The following RAB20 variants were observed in gnomAD, a reference collection of about 807,000 sequenced individuals.
RAB20 encodes RAB20, member RAS oncogene family.
In RAB20, 2 loss-of-function variants were observed where a neutral mutation model predicts 3.7. That is an observed-to-expected ratio of 0.54 (90% CI 0.22 to 1.69). The LOEUF is 1.69. Ranked by LOEUF, RAB20 falls within the 40% of genes most tolerant of loss-of-function variation. The pLI, the probability that RAB20 is intolerant of heterozygous loss-of-function variation, is 0.19. For missense variants in RAB20, 276 were observed against 311.9 expected (o/e 0.88, Z 0.87); for synonymous variants, 126 against 130.8 (o/e 0.96, Z 0.25).
In RAB20 at chr13:110,530,541, A is replaced by G. The variant is rs111288530; in HGVS notation, c.173-6344T>C. Among the ~76,000 whole-genome samples the G allele has an allele frequency of 8.8e-3, 54 of 6,124 alleles. 7 individuals are homozygous for G. The highest frequency in any genetic ancestry group is 0.33 in the Middle Eastern group (2 of 6). 4.0% of individuals were successfully genotyped at this position (6,124 alleles called of 152,430 possible). On this transcript the variant is annotated intron_variant, in intron 1 of 1. Transcript: ENST00000267328. ...CTACACAGACACAGGACCCTGGGGAAGTAGGTCCCACCCGCCCCACCTCTA... is the reference window on the plus strand; with the variant it reads ...CTACACAGACACAGGACCCTGGGGAGGTAGGTCCCACCCGCCCCACCTCTA...
At chr13:110,531,201 G>C (rs1379038059) in intron 1 of RAB20, among the ~76,000 whole-genome samples, 1 of 152,150 alleles carries the variant, frequency 6.6e-6, no homozygotes, top group Non-Finnish European at 1.5e-5. Context: ...TGAGAAGCAC[G>C]CTGGCAACAG....
At chr13:110,527,819 C>G (rs1043410751) in intron 1 of RAB20, among the ~76,000 whole-genome samples, 4 of 151,830 alleles carry the variant, frequency 2.6e-5, no homozygotes, top group African/African-American at 9.7e-5. Flanking sequence ...TCAAAAAGAA[C>G]AGGCTAGGGC....
At chr13:110,532,435 G>A (rs955436594) in intron 1 of RAB20, among the ~76,000 whole-genome samples, 1 of 152,068 alleles carries the variant, frequency 6.6e-6, no homozygotes, top group Non-Finnish European at 1.5e-5. Context: ...GGAGTGCAGT[G>A]ATGCAATCTC....
intron 1 of RAB20, among the ~76,000 whole-genome samples, chr13:110,525,706 G>A (rs529346484): frequency 2.2e-4 from 33 of 152,328 alleles, no homozygotes; most frequent in African/African-American, 7.2e-4. Flanking sequence ...AGGGAGGGCC[G>A]AGCCGAGCAC....
intron 1 of RAB20, among the ~76,000 whole-genome samples, chr13:110,544,245 T>C (rs1020430827): frequency 4.6e-5 from 7 of 152,206 alleles, no homozygotes; most frequent in Admixed American, 4.6e-4. Context: ...CCTGTTCCAT[T>C]GGTCAATGTG....
chr13:110,529,845 C>T (rs948299172), intron 1 of RAB20, among the ~76,000 whole-genome samples: 1 of 152,138 alleles, frequency 6.6e-6, no homozygotes, highest in South Asian at 2.1e-4. Flanking sequence ...GCTCTAGGTT[C>T]GACTTGTCCA....
In RAB20 at chr13:110,524,903, C is replaced by T. The variant is rs185732789; in HGVS notation, c.173-706G>A. On this transcript the variant is annotated intron_variant, in intron 1 of 1. Transcript: ENST00000267328. The stretch of plus-strand genomic sequence containing the variant: ...TCGCACTTCTTGTGGGTGCCGCAGC[C>T]CCGCCTGCCCTCCAGGTTTAAAACA... 1.8e-3 allele frequency among the ~76,000 whole-genome samples: 271 copies of T among 152,344 alleles called. 2 individuals are homozygous for T. The highest frequency in any genetic ancestry group is 3.2e-3 in the Non-Finnish European group (219 of 68,034).
At chr13:110,538,238 C>CAAAAAAA (rs570075617) in intron 1 of RAB20, among the ~76,000 whole-genome samples, 3 of 78,520 alleles carry the variant, frequency 3.8e-5, no homozygotes, top group Non-Finnish European at 7.5e-5. Context: ...GACCTTGTCT[C>CAAAAAAA]AAAAAAAAAA....
intron 1 of RAB20, among the ~76,000 whole-genome samples, chr13:110,548,508 A>AC (rs1884893876): frequency 7.1e-6 from 1 of 141,356 alleles, no homozygotes; most frequent in Non-Finnish European, 1.5e-5. Context: ...ACAAAAAAAA[A>AC]CTCTTGTCAT....
In RAB20 at chr13:110,555,020, C is replaced by T. The variant is rs535037408; in HGVS notation, c.172+6328G>A. Among the ~76,000 whole-genome samples, 6 of 152,154 alleles carry T rather than the reference C, an allele frequency of 3.9e-5. No individual in the cohort carries two copies. Among genetic ancestry groups the T allele is most frequent in the East Asian group, 1.9e-4 (1 of 5,156 alleles). The stretch of plus-strand genomic sequence containing the variant: ...CGTGTCAGGGAGCGACTGTGGGAGC[C>T]GCCTCCCCTCTGTAAGATGCTGCTT... On this transcript the variant is annotated intron_variant, in intron 1 of 1. Transcript: ENST00000267328. The surrounding 1 kb of genome is among the most constrained non-coding windows in gnomAD (Gnocchi z 4.0).
At chr13:110,530,109 G>A (rs1412855302) in intron 1 of RAB20, among the ~76,000 whole-genome samples, 1 of 151,520 alleles carries the variant, frequency 6.6e-6, no homozygotes, top group Non-Finnish European at 1.5e-5. Context: ...GGGCCCTGGG[G>A]AGGCAGGTCC....
At chr13:110,556,119 A>G (rs1368584914) in intron 1 of RAB20, among the ~76,000 whole-genome samples, 1 of 152,226 alleles carries the variant, frequency 6.6e-6, no homozygotes, top group African/African-American at 2.4e-5. Flanking sequence ...AAAGGAGGTG[A>G]CACAGCCACA....
chr13:110,550,445 AG>A lies in RAB20; in HGVS notation c.172+10902del, dbSNP rs771134598. 3.9e-5 allele frequency among the ~76,000 whole-genome samples: 6 copies of A among 152,272 alleles called. No individual in the cohort carries two copies. The East Asian group carries it at 1.2e-3, about 29-fold the overall frequency. On this transcript the variant is annotated intron_variant, in intron 1 of 1. Transcript: ENST00000267328. The stretch of plus-strand genomic sequence containing the variant: ...ATTCCAGATGCCTGGAATTGCAACT[AG>A]GGGGAAGGAAGGGGTGGTCTTGTGA...
chr13:110,544,624 CAAA>C (rs1289764425), intron 1 of RAB20, among the ~76,000 whole-genome samples: 1 of 152,200 alleles, frequency 6.6e-6, no homozygotes, highest in Non-Finnish European at 1.5e-5. Flanking sequence ...ATAACCAACT[CAAA>C]GAAGTCAAGG....
chr13:110,535,514 T>C (rs1448885275), intron 1 of RAB20, among the ~76,000 whole-genome samples: 1 of 152,186 alleles, frequency 6.6e-6, no homozygotes, highest in Non-Finnish European at 1.5e-5. Context: ...CTGTTTTCCA[T>C]TTTCGCAGAT....
rs561458419 is a variant in RAB20 at position 110,555,810 on chromosome 13, C to A, written c.172+5538G>T. Among the ~76,000 whole-genome samples, 1 of 152,196 alleles carries A rather than the reference C, an allele frequency of 6.6e-6. No homozygotes were observed. The highest frequency in any genetic ancestry group is 2.4e-5 in the African/African-American group (1 of 41,446). On this transcript the variant is annotated intron_variant, in intron 1 of 1. Coordinates refer to ENST00000267328, the MANE Select transcript of RAB20 (RefSeq NM_017817.3). This position sits in a 1 kb window ranked among gnomAD's most constrained non-coding sequence, Gnocchi z 4.0. ...CGACTTTTATTCTCACTCTTTACCA[C>A]GGCCACCGCGAGTGCCCCCAGCCTT...
chr13:110,531,716 C>T (rs1021330424), intron 1 of RAB20, among the ~76,000 whole-genome samples: 1 of 152,184 alleles, frequency 6.6e-6, no homozygotes, highest in African/African-American at 2.4e-5. Context: ...GCCCATGTCC[C>T]GGGTCTCATC....
At chr13:110,536,986 G>GTTTTTT (rs147636207) in intron 1 of RAB20, among the ~76,000 whole-genome samples, 2,962 of 109,348 alleles carry the variant, frequency 0.027, 165 homozygotes, top group African/African-American at 0.11. Flanking sequence ...GTGTCCAAGT[G>GTTTTTT]TTTTTTTTTG....
chr13:110,532,482 T>C (rs1219403606), intron 1 of RAB20, among the ~76,000 whole-genome samples: 1 of 151,952 alleles, frequency 6.6e-6, no homozygotes, highest in African/African-American at 2.4e-5. Context: ...GTTCAAGCAA[T>C]TCTCCTGCCT....
Sources: gnomAD v4.1 joint callset for allele counts (sites outside exome capture counted in the v4.1 genomes callset) on GRCh38, gnomAD v4.1.1 for gene constraint, Gnocchi (gnomAD v3.1) non-coding constraint, MANE v1.5 for transcripts, NCBI Gene and HGNC (gene_info 2026-07-23, HGNC 2026-07-21) for gene names.